The following NUBP1 variants were observed in gnomAD, a reference collection of about 807,000 sequenced individuals.
NUBP1 encodes the protein NUBP iron-sulfur cluster assembly factor 1, cytosolic.
In NUBP1, 46 loss-of-function variants were observed where a neutral mutation model predicts 41.8. The ratio of observed to expected loss-of-function variants is 1.10; its 90% CI spans 0.87 to 1.41. The LOEUF (loss-of-function observed/expected upper bound fraction) is 1.41, where lower values mean the gene tolerates loss of function less well. Ranked by LOEUF, NUBP1 falls within the 40% of genes most tolerant of loss-of-function variation. The pLI is 0.00. For missense variants in NUBP1, 494 were observed against 414.0 expected, an observed-to-expected ratio of 1.19 and a Z score of -1.68; for synonymous variants, 189 against 154.6, an observed-to-expected ratio of 1.22 and a Z score of -1.65.
chr16:10,753,074 G>A (rs796835552), intron 4 of NUBP1, among the ~76,000 whole-genome samples: 2 of 152,234 alleles, frequency 1.3e-5, no homozygotes, highest in East Asian at 1.9e-4. Flanking sequence ...GATTACAGGC[G>A]TGAGCCACCG....
Position 10,767,635 on chromosome 16 carries a change from C to G in NUBP1, c.821-314C>G, listed in dbSNP as rs1358756339. ...ACCATGTGCATTCATGATCCTTTCA[C>G]TCAAAAGCTAATCTCTTAAAATGCA... On this transcript the variant is annotated intron_variant, in intron 9 of 10. Coordinates refer to ENST00000283027, the MANE Select transcript of NUBP1 (RefSeq NM_002484.4). This position sits in a 1 kb window ranked among gnomAD's most constrained non-coding sequence, Gnocchi z 4.6. The G allele has an allele frequency of 2.3e-6, 1 of 432,110 alleles. No homozygotes were observed. 26.8% of individuals were successfully genotyped at this position (432,110 alleles called of 1,614,324 possible).
rs760375953 is a variant in NUBP1, at chr16:10,761,408, CA to C, written c.653del (p.Lys218ArgfsTer2). The C allele has an allele frequency of 1.2e-6, 2 of 1,614,136 alleles. No individual in the cohort carries two copies. Among genetic ancestry groups the C allele is most frequent in the South Asian group, 2.2e-5 (2 of 91,082 alleles). ...DVRKEINFCR[K>X]VKLPIIGVVE... ...TCCGGAAAGAAATCAACTTCTGCCGCAAGGTGAAGCTGCCCATCATCGGGGT... is the reference window on the plus strand; with the variant it reads ...TCCGGAAAGAAATCAACTTCTGCCGCAGGTGAAGCTGCCCATCATCGGGGT... On this transcript the variant is annotated frameshift_variant, in exon 8 of 11. Coordinates refer to ENST00000283027, the MANE Select transcript of NUBP1 (RefSeq NM_002484.4). LOFTEE classifies it high-confidence loss of function.
At chr16:10,755,417 A>G (rs1900504032) in intron 4 of NUBP1, among the ~76,000 whole-genome samples, 1 of 152,154 alleles carries the variant, frequency 6.6e-6, no homozygotes, top group South Asian at 2.1e-4. Context: ...GCCGATTTTT[A>G]TGACTCTTTT....
At chr16:10,762,910 G>C (rs773415020) in intron 9 of NUBP1, among the ~76,000 whole-genome samples, 2 of 152,140 alleles carry the variant, frequency 1.3e-5, no homozygotes, top group Non-Finnish European at 1.5e-5. Flanking sequence ...GAGAATGGGA[G>C]CCTGTGGGAA....
In NUBP1 at chr16:10,749,450, T is replaced by C. The variant is rs1211500718; in HGVS notation, c.258+2174T>C. 6.6e-6 allele frequency among the ~76,000 whole-genome samples: 1 copy of C among 152,162 alleles called. No homozygotes were observed. Among genetic ancestry groups the C allele is most frequent in the Non-Finnish European group, 1.5e-5 (1 of 68,018 alleles). On this transcript the variant is annotated intron_variant, in intron 3 of 10. Coordinates refer to ENST00000283027, the MANE Select transcript of NUBP1 (RefSeq NM_002484.4). The surrounding 1 kb of genome is among the most constrained non-coding windows in gnomAD (Gnocchi z 4.1). ...GTCTTTGCTGCATGCCTGTCTAGAC[T>C]TTGCAGTATACAGAAGGAAAGCACA... is the stretch of plus-strand genomic sequence containing the variant.
At chr16:10,758,187 T>G (rs1900698371) in intron 7 of NUBP1, among the ~76,000 whole-genome samples, 160 bp downstream of exon 7, 1 of 152,138 alleles carries the variant, frequency 6.6e-6, no homozygotes, top group Admixed American at 6.6e-5. Flanking sequence ...TGTTAAAAAC[T>G]TCAGCCAGCA....
chr16:10,747,954 T>G (rs975602052), intron 3 of NUBP1, among the ~76,000 whole-genome samples: 1 of 152,190 alleles, frequency 6.6e-6, no homozygotes, highest in Non-Finnish European at 1.5e-5. Flanking sequence ...TTGAAATGTT[T>G]TTTGTTTGTT....
rs1318295808 is a variant in NUBP1 at position 10,765,156 on chromosome 16, T to C, written c.821-2793T>C. 6.5e-6 allele frequency: 1 copy of C among 152,902 alleles called. No individual in the cohort carries two copies. The highest frequency in any genetic ancestry group is 1.9e-4 in the East Asian group (1 of 5,198). 9.5% of individuals were successfully genotyped at this position (152,902 alleles called of 1,614,324 possible). The stretch of plus-strand genomic sequence containing the variant: ...CAGAGATCCAAGAGGTGTGTCCTTA[T>C]GGCCATCACAATTGCCACATTTTCC... On this transcript the variant is annotated intron_variant, in intron 9 of 10. Transcript: ENST00000283027. This position sits in a 1 kb window ranked among gnomAD's most constrained non-coding sequence, Gnocchi z 4.0.
chr16:10,767,865 C>G lies in NUBP1; in HGVS notation c.821-84C>G. ...CGGGCTCAAGATCTTCCCATTGTCA[C>G]CAGCACGGAAAGAGCCCCAAGATCT... On this transcript the variant is annotated intron_variant, in intron 9 of 10. Transcript: ENST00000283027. This position sits in a 1 kb window ranked among gnomAD's most constrained non-coding sequence, Gnocchi z 4.6. The G allele has an allele frequency of 7.9e-7, 1 of 1,267,006 alleles. No individual in the cohort carries two copies. Among genetic ancestry groups the G allele is most frequent in the Non-Finnish European group, 1.2e-6 (1 of 867,340 alleles). 78.5% of individuals were successfully genotyped at this position (1,267,006 alleles called of 1,614,324 possible).
chr16:10,749,126 T>TACACACAGAC lies in NUBP1; in HGVS notation c.258+1857_258+1858insGACACACACA, dbSNP rs1900195566. ...GGATATAGATAGATACACAGACACA[T>TACACACAGAC]ACACACACACACACACACACACACA... On this transcript the variant is annotated intron_variant, in intron 3 of 10. Transcript: ENST00000283027. This position sits in a 1 kb window ranked among gnomAD's most constrained non-coding sequence, Gnocchi z 4.1. Among the ~76,000 whole-genome samples the TACACACAGAC allele has an allele frequency of 8.3e-6, 1 of 121,026 alleles. No individual in the cohort carries two copies. The highest frequency in any genetic ancestry group is 3.1e-5 in the African/African-American group (1 of 32,144). The allele number at this position is 121,026 out of a possible 152,430, so 79.4% of individuals were successfully genotyped here. A position where few individuals can be genotyped will look rare whatever the true frequency, so the allele number is the denominator to read the frequency against.
intron 7 of NUBP1, among the ~76,000 whole-genome samples, chr16:10,760,340 C>CAGCCAG (rs1269544993): frequency 6.6e-6 from 1 of 152,226 alleles, no homozygotes; most frequent in Admixed American, 6.5e-5. Context: ...TTTATAAAAC[C>CAGCCAG]AGCCAGATTC....
rs767771417 is a variant in NUBP1 at position 10,744,033 on chromosome 16, G to C, written c.92G>C (p.Cys31Ser). 29 of 1,582,070 alleles carry C rather than the reference G, an allele frequency of 1.8e-5. No individual in the cohort carries two copies. The highest frequency in any genetic ancestry group is 2.5e-5 in the Non-Finnish European group (29 of 1,169,782). ...SCQGCPNQRL[C>S]ASGAGATPDT... ...CAGGGATGCCCCAACCAGCGGCTGT[G>C]CGCTTCTGGAGCGGGGGCCACTCCG... The change falls in exon 2 of 11, where the codon TGC (cysteine) becomes TCC (serine). Residue 31 changes from cysteine to serine, a missense_variant. Physicochemically the swap from Cys to Ser is moderately radical, Grantham distance 112. Transcript: ENST00000283027.
chr16:10,761,303 GCA>G, intron 7 of NUBP1, 59 bp from the exon 8 acceptor site: 1 of 1,483,070 alleles, frequency 6.7e-7, no homozygotes, highest in Non-Finnish European at 9.4e-7. Context: ...CCCCTCGGTT[GCA>G]CAGACATTCC....
At chr16:10,763,060 G>A (rs992345905) in intron 9 of NUBP1, among the ~76,000 whole-genome samples, 7 of 152,128 alleles carry the variant, frequency 4.6e-5, no homozygotes, top group Admixed American at 1.3e-4. Context: ...GACGGCATCT[G>A]AGGGTCAAGG....
rs7498352 is a variant in NUBP1, at chr16:10,749,128, C to G, written c.258+1852C>G. On this transcript the variant is annotated intron_variant, in intron 3 of 10. Transcript: ENST00000283027. This position sits in a 1 kb window ranked among gnomAD's most constrained non-coding sequence, Gnocchi z 4.1. ...ATATAGATAGATACACAGACACATA[C>G]ACACACACACACACACACACACACA... Among the ~76,000 whole-genome samples the G allele has an allele frequency of 4.9e-4, 29 of 59,684 alleles. No individual in the cohort carries two copies. The highest frequency in any genetic ancestry group is 1.4e-3 in the African/African-American group (27 of 19,448). 39.2% of individuals were successfully genotyped at this position (59,684 alleles called of 152,430 possible).
chr16:10,763,350 TA>T (rs1180872347), intron 9 of NUBP1, among the ~76,000 whole-genome samples: 3 of 150,922 alleles, frequency 2.0e-5, no homozygotes, highest in South Asian at 2.1e-4. Flanking sequence ...GAGGAAGTGG[TA>T]GGGGGGTAGG....
chr16:10,748,870 A>C (rs1343795650), intron 3 of NUBP1, among the ~76,000 whole-genome samples: 2 of 152,020 alleles, frequency 1.3e-5, no homozygotes, highest in African/African-American at 4.8e-5. Flanking sequence ...CAGGCGGATC[A>C]CTTGAGGTCA....
At position 10,757,394 on chromosome 16, in the gene NUBP1, G is replaced by T. The variant is rs1257759162; in HGVS notation, c.452-479G>T. 6.6e-6 allele frequency among the ~76,000 whole-genome samples: 1 copy of T among 152,196 alleles called. No individual in the cohort carries two copies. The highest frequency in any genetic ancestry group is 1.5e-5 in the Non-Finnish European group (1 of 68,040). On this transcript the variant is annotated intron_variant, in intron 6 of 10. Coordinates refer to ENST00000283027, the MANE Select transcript of NUBP1 (RefSeq NM_002484.4). This position sits in a 1 kb window ranked among gnomAD's most constrained non-coding sequence, Gnocchi z 4.1. ...CAACAGGAGGTTGATCTGGTACTGA[G>T]ACTTAAGGTAATAATGTGAAAGTGT... is the stretch of plus-strand genomic sequence containing the variant.
chr16:10,750,308 G>C (rs2142682937), intron 3 of NUBP1, among the ~76,000 whole-genome samples: 1 of 152,312 alleles, frequency 6.6e-6, no homozygotes, highest in South Asian at 2.1e-4. Flanking sequence ...GCAGTGGTGT[G>C]ATCTCAGCTC....
Sources: allele counts gnomAD v4.1 joint callset (sites outside exome capture counted in the v4.1 genomes callset), GRCh38; gene constraint gnomAD v4.1.1; non-coding constraint Gnocchi (gnomAD v3.1); transcripts MANE v1.5; gene names NCBI Gene and HGNC (gene_info 2026-07-23, HGNC 2026-07-21).